Variants in KSR2 observed in about 807,000 individuals in gnomAD.
KSR2 encodes kinase suppressor of ras 2.
Under a neutral mutation model 107.8 loss-of-function variants are expected in KSR2, and 25 were observed. The ratio of observed to expected loss-of-function variants is 0.23; its 90% CI spans 0.17 to 0.32. The LOEUF (loss-of-function observed/expected upper bound fraction) is 0.32. Ranked by LOEUF, KSR2 falls within the 10% of genes least tolerant of loss-of-function variation. The probability of loss-of-function intolerance (pLI) is 1.00; values close to 1 mark genes in which losing one functional copy is unlikely to be tolerated. For missense variants in KSR2, 887 were observed against 1,268.9 expected, an observed-to-expected ratio of 0.70 and a Z score of 4.57; for synonymous variants, 480 against 507.0, an observed-to-expected ratio of 0.95 and a Z score of 0.71.
intron 1 of KSR2, among the ~76,000 whole-genome samples, chr12:117,877,390 G>A (rs1893890180): frequency 6.6e-6 from 1 of 152,046 alleles, no homozygotes; most frequent in Admixed American, 6.5e-5. Context: ...TTGGATTAGG[G>A]ATGCTCAACC....
intron 1 of KSR2, among the ~76,000 whole-genome samples, chr12:117,936,511 TTTATTATTATTATTATTATTA>T (rs145675167): frequency 7.2e-6 from 1 of 139,800 alleles, no homozygotes; most frequent in African/African-American, 2.7e-5. Context: ...TTATTATTAT[TTTATTATTATTATTATTATTA>T]TTAGTAGTAG....
intron 1 of KSR2, among the ~76,000 whole-genome samples, chr12:117,941,564 A>G (rs1225101559): frequency 1.4e-5 from 2 of 141,716 alleles, no homozygotes; most frequent in African/African-American, 5.3e-5. Context: ...TATTTGAAAC[A>G]TTTGCCTCTA....
intron 7 of KSR2, among the ~76,000 whole-genome samples, chr12:117,575,254 T>C (rs2136226240): frequency 6.6e-6 from 1 of 152,354 alleles, no homozygotes; most frequent in African/African-American, 2.4e-5. Context: ...GGTGTATATA[T>C]AACAGGTGCT....
chr12:117,819,148 A>T, intron 3 of KSR2, among the ~76,000 whole-genome samples: 1 of 152,072 alleles, frequency 6.6e-6, no homozygotes, highest in East Asian at 1.9e-4. Flanking sequence ...TGGCCAAAAT[A>T]TGTAGCATCA....
At chr12:117,672,149 C>T (rs544743153) in intron 4 of KSR2, among the ~76,000 whole-genome samples, 8 of 152,094 alleles carry the variant, frequency 5.3e-5, no homozygotes, top group East Asian at 1.9e-4. Flanking sequence ...GAAAGCAAGG[C>T]GGTGGGGGGA....
rs144989876 is a variant in KSR2 at position 117,948,224 on chromosome 12, G to A, written c.180+19852C>T. ...AGTACTTTGGGAGGCTGATGCAGGTGGATCACCTGAGGTCAGGAGTTCGAG... is the reference window on the plus strand; with the variant it reads ...AGTACTTTGGGAGGCTGATGCAGGTAGATCACCTGAGGTCAGGAGTTCGAG... On this transcript the variant is annotated intron_variant, in intron 1 of 19. Transcript: ENST00000339824. 4.8e-3 allele frequency among the ~76,000 whole-genome samples: 729 copies of A among 152,128 alleles called. 6 individuals carry two copies. Among genetic ancestry groups the A allele is most frequent in the African/African-American group, 0.016 (672 of 41,530 alleles).
intron 1 of KSR2, among the ~76,000 whole-genome samples, chr12:117,954,554 A>T (rs1896452538): frequency 6.6e-6 from 1 of 152,116 alleles, no homozygotes; most frequent in South Asian, 2.1e-4. Context: ...CTTCTCACAC[A>T]TTTGGGGCTC....
At chr12:117,533,991 T>G (rs1875848420) in intron 10 of KSR2, among the ~76,000 whole-genome samples, 1 of 152,030 alleles carries the variant, frequency 6.6e-6, no homozygotes, top group African/African-American at 2.4e-5. Context: ...ACAGACACCA[T>G]CAAGAAGTGG....
intron 14 of KSR2, among the ~76,000 whole-genome samples, chr12:117,491,753 G>A (rs867247880): frequency 2.1e-4 from 32 of 152,116 alleles, no homozygotes; most frequent in African/African-American, 7.7e-4. Flanking sequence ...ATACCCAATC[G>A]TGGAATTGCA....
chr12:117,548,585 T>G (rs190835689), intron 9 of KSR2, among the ~76,000 whole-genome samples: 47 of 152,250 alleles, frequency 3.1e-4, no homozygotes, highest in African/African-American at 1.0e-3. Context: ...TAGTTAAGTT[T>G]TGGGGGCATC....
chr12:117,614,416 G>A (rs1183391322), intron 5 of KSR2, among the ~76,000 whole-genome samples: 5 of 152,166 alleles, frequency 3.3e-5, no homozygotes, highest in Admixed American at 3.3e-4. Context: ...TACATGGAAG[G>A]ATACAAATGA....
intron 4 of KSR2, among the ~76,000 whole-genome samples, chr12:117,677,917 C>T (rs10850884): frequency 0.24 from 36,424 of 151,728 alleles, 4,574 homozygotes; most frequent in South Asian, 0.3. Context: ...ATGAAGAAAC[C>T]GAGTCCAGAA....
intron 9 of KSR2, among the ~76,000 whole-genome samples, chr12:117,552,227 G>C (rs755627390): frequency 2.0e-5 from 3 of 152,152 alleles, no homozygotes; most frequent in Non-Finnish European, 4.4e-5. Flanking sequence ...ATTAACTATG[G>C]GCCAGGAAGT....
At chr12:117,610,388 A>G (rs1881525062) in intron 5 of KSR2, among the ~76,000 whole-genome samples, 1 of 152,190 alleles carries the variant, frequency 6.6e-6, no homozygotes, top group East Asian at 1.9e-4. Flanking sequence ...TCAAACAATA[A>G]AAGAATGAGT....
intron 4 of KSR2, among the ~76,000 whole-genome samples, chr12:117,701,819 G>A (rs754219): frequency 0.29 from 43,403 of 152,042 alleles, 6,640 homozygotes; most frequent in East Asian, 0.54. Context: ...CTGGAGCAAC[G>A]GAGGCTGCAT....
chr12:117,457,089 G>A lies in KSR2; in HGVS notation c.*10110C>T, dbSNP rs1036038316. ...CTGCTTCTTAGAAGGGCTGTGGAAGGATGGAGAGAATGACTGGAGATTTCA... is the reference window on the plus strand; with the variant it reads ...CTGCTTCTTAGAAGGGCTGTGGAAGAATGGAGAGAATGACTGGAGATTTCA... On this transcript the variant is annotated 3_prime_UTR_variant, in exon 20 of 20. Transcript: ENST00000339824. 6.6e-6 allele frequency: 1 copy of A among 152,276 alleles called. No individual in the cohort carries two copies. The highest frequency in any genetic ancestry group is 6.5e-5 in the Admixed American group (1 of 15,288). The allele number at this position is 152,276 out of a possible 1,614,324, so 9.4% of individuals were successfully genotyped here.
intron 1 of KSR2, among the ~76,000 whole-genome samples, chr12:117,885,795 A>T (rs1320663649): frequency 3.9e-5 from 6 of 151,998 alleles, no homozygotes. Context: ...TGACACACAT[A>T]TACCTATGTA....
chr12:117,775,564 A>G (rs762064045), intron 3 of KSR2, among the ~76,000 whole-genome samples: 2 of 152,260 alleles, frequency 1.3e-5, no homozygotes, highest in Non-Finnish European at 2.9e-5. Flanking sequence ...TCAAAGTGAA[A>G]TTCAAAACCT....
intron 4 of KSR2, among the ~76,000 whole-genome samples, chr12:117,723,160 C>G (rs866464750): frequency 6.6e-6 from 1 of 152,166 alleles, no homozygotes; most frequent in Non-Finnish European, 1.5e-5. Context: ...CACTCACAAC[C>G]GAAGAATCAA....
Sources: gnomAD v4.1 joint callset for allele counts (sites outside exome capture counted in the v4.1 genomes callset) on GRCh38, gnomAD v4.1.1 for gene constraint, MANE v1.5 for transcripts, NCBI Gene and HGNC (gene_info 2026-07-23, HGNC 2026-07-21) for gene names.